Variants in KCNK13 observed in about 807,000 individuals in gnomAD.
KCNK13 encodes potassium channel subfamily K member 13.
In KCNK13, 12 loss-of-function variants were observed where a neutral mutation model predicts 23.4. That is an observed-to-expected ratio of 0.51 (90% confidence interval 0.33 to 0.83). The LOEUF (loss-of-function observed/expected upper bound fraction) is 0.83. Ranked by LOEUF, KCNK13 falls within the 40% of genes least tolerant of loss-of-function variation. The probability of loss-of-function intolerance (pLI) is 0.02; values close to 1 mark genes in which losing one functional copy is unlikely to be tolerated. For missense variants in KCNK13, 463 were observed against 556.3 expected (o/e 0.83, Z 1.69); for synonymous variants, 231 against 229.5 (o/e 1.01, Z -0.06).
At chr14:90,168,369 C>CAA (rs67436161) in intron 1 of KCNK13, among the ~76,000 whole-genome samples, 4 of 141,250 alleles carry the variant, frequency 2.8e-5, no homozygotes, top group Non-Finnish European at 4.7e-5. Flanking sequence ...AGACCTGTCT[C>CAA]AAAAAAAAAA....
intron 1 of KCNK13, among the ~76,000 whole-genome samples, chr14:90,131,119 A>C (rs1889865276): frequency 6.6e-6 from 1 of 152,180 alleles, no homozygotes; most frequent in South Asian, 2.1e-4. Flanking sequence ...GCACTCAGTA[A>C]GTGTCATGTC....
intron 1 of KCNK13, among the ~76,000 whole-genome samples, chr14:90,076,652 G>A (rs1252420453): frequency 6.6e-6 from 1 of 152,080 alleles, no homozygotes. Context: ...AGACAGAAGG[G>A]AAGTCAATAT....
chr14:90,111,802 T>C (rs2140412834), intron 1 of KCNK13, among the ~76,000 whole-genome samples: 1 of 152,376 alleles, frequency 6.6e-6, no homozygotes, highest in Non-Finnish European at 1.5e-5. Flanking sequence ...CTCTTGTGAC[T>C]GTTTTTTACC....
At chr14:90,154,234 C>T (rs1188022669) in intron 1 of KCNK13, among the ~76,000 whole-genome samples, 2 of 151,830 alleles carry the variant, frequency 1.3e-5, no homozygotes, top group Non-Finnish European at 2.9e-5. Flanking sequence ...GCTGTGCTCT[C>T]CTACCCATAA....
Position 90,124,355 on chromosome 14 carries a change from G to A in KCNK13, c.335-59756G>A, listed in dbSNP as rs140360798. On this transcript the variant is annotated intron_variant, in intron 1 of 1. Coordinates refer to ENST00000282146, the MANE Select transcript of KCNK13 (RefSeq NM_022054.4). ...AACCTGTGAATAGGGAGATTATCCT[G>A]CATTCTCCAGGTACACTCAACTTAA... Among the ~76,000 whole-genome samples, 326 of 152,324 alleles carry A rather than the reference G, an allele frequency of 2.1e-3. 3 individuals carry two copies. The highest frequency in any genetic ancestry group is 7.6e-3 in the African/African-American group (315 of 41,570).
At chr14:90,175,692 A>G (rs1890415084) in intron 1 of KCNK13, among the ~76,000 whole-genome samples, 1 of 152,106 alleles carries the variant, frequency 6.6e-6, no homozygotes, top group Admixed American at 6.5e-5. Context: ...TGTGTGGCAA[A>G]CCTCCCCAAG....
Position 90,184,575 on chromosome 14 carries a change from A to G in KCNK13, c.799A>G (p.Met267Val). The change falls in exon 2 of 2, where the codon ATG becomes GTG. Residue 267 changes from methionine to valine, a missense_variant. Met to Val is a conservative substitution (Grantham distance 21, BLOSUM62 1). Around this residue, in one of 3 missense-constraint regions of KCNK13, gnomAD observed 144 missense variants for 224.0 expected, o/e 0.64. Transcript: ENST00000282146. The surrounding 1 kb of genome is among the most constrained non-coding windows in gnomAD (Gnocchi z 5.6). ...CTTTGCCAACTTCGTCTTCATCCTC[A>G]TGGGTGTCTGCTGCATCTACTCCTT... ...YRFANFVFIL[M>V]GVCCIYSLFN... is the part of the protein sequence containing the mutation. The G allele has an allele frequency of 6.2e-7, 1 of 1,614,182 alleles. No individual in the cohort carries two copies. Among genetic ancestry groups the G allele is most frequent in the Non-Finnish European group, 8.5e-7 (1 of 1,180,018 alleles).
chr14:90,179,364 G>A (rs765361513), intron 1 of KCNK13, among the ~76,000 whole-genome samples: 2 of 151,228 alleles, frequency 1.3e-5, no homozygotes, highest in Admixed American at 6.6e-5. Context: ...AAAAAAATAC[G>A]TAGTTGACAG....
chr14:90,124,834 A>G lies in KCNK13; in HGVS notation c.335-59277A>G, dbSNP rs76440564. On this transcript the variant is annotated intron_variant, in intron 1 of 1. Coordinates refer to ENST00000282146, the MANE Select transcript of KCNK13 (RefSeq NM_022054.4). ...GCAGCAATAGAAAATGAATACAGCT[A>G]AACTCTGAAAAATACAATAAGAAGA... 3.9e-3 allele frequency among the ~76,000 whole-genome samples: 592 copies of G among 152,366 alleles called. 5 individuals carry two copies. The highest frequency in any genetic ancestry group is 0.013 in the African/African-American group (556 of 41,584).
intron 1 of KCNK13, among the ~76,000 whole-genome samples, chr14:90,091,887 ATTT>A (rs1376720669): frequency 6.6e-6 from 1 of 151,090 alleles, no homozygotes; most frequent in Non-Finnish European, 1.5e-5. Flanking sequence ...GAATGCTGTT[ATTT>A]AAGAATAAAA....
intron 1 of KCNK13, among the ~76,000 whole-genome samples, chr14:90,073,630 AAGGG>A (rs1177459109): frequency 6.6e-5 from 10 of 152,084 alleles, no homozygotes; most frequent in Non-Finnish European, 1.3e-4. Context: ...GGGCTGCCTC[AAGGG>A]CCAAGAGGAC....
In KCNK13 at chr14:90,117,821, G is replaced by C. The variant is rs146062052; in HGVS notation, c.334+55282G>C. Among the ~76,000 whole-genome samples the C allele has an allele frequency of 2.3e-4, 35 of 152,116 alleles. No homozygotes were observed. The East Asian group carries it at 6.0e-3, about 26-fold the overall frequency. On this transcript the variant is annotated intron_variant, in intron 1 of 1. Transcript: ENST00000282146. ...GTGAAAACCTCATACCACTTGAATG[G>C]TTACTCCTCATTTACTCTTCCCTTC...
intron 1 of KCNK13, among the ~76,000 whole-genome samples, chr14:90,097,461 G>A (rs1290911434): frequency 1.3e-5 from 2 of 152,104 alleles, no homozygotes; most frequent in Non-Finnish European, 2.9e-5. Context: ...ATGACATCAA[G>A]CCATTCATGA....
chr14:90,113,789 C>T (rs1008207497), intron 1 of KCNK13, among the ~76,000 whole-genome samples: 15 of 151,930 alleles, frequency 9.9e-5, no homozygotes, highest in Non-Finnish European at 1.8e-4. Context: ...AAAAATTAGC[C>T]GAGCATGGTG....
At chr14:90,162,521 C>G (rs1890263120) in intron 1 of KCNK13, among the ~76,000 whole-genome samples, 1 of 152,148 alleles carries the variant, frequency 6.6e-6, no homozygotes, top group Non-Finnish European at 1.5e-5. Flanking sequence ...AAAGTATAAA[C>G]AGAATCTTTC....
chr14:90,095,065 A>G (rs1040083001), intron 1 of KCNK13, among the ~76,000 whole-genome samples: 1 of 152,204 alleles, frequency 6.6e-6, no homozygotes, highest in Non-Finnish European at 1.5e-5. Context: ...GTGTTATCCC[A>G]CCTCTTCAAA....
At chr14:90,111,757 C>T (rs1209063811) in intron 1 of KCNK13, among the ~76,000 whole-genome samples, 2 of 152,218 alleles carry the variant, frequency 1.3e-5, no homozygotes, top group Admixed American at 6.5e-5. Context: ...TCTGTGCAGG[C>T]AGTTGCTTAC....
At chr14:90,158,103 C>T (rs1031972984) in intron 1 of KCNK13, among the ~76,000 whole-genome samples, 1 of 152,204 alleles carries the variant, frequency 6.6e-6, no homozygotes, top group Non-Finnish European at 1.5e-5. Context: ...CTGAGCTGAA[C>T]AAACCTTCAG....
intron 1 of KCNK13, among the ~76,000 whole-genome samples, chr14:90,091,824 G>A (rs1482498345): frequency 6.6e-6 from 1 of 151,944 alleles, no homozygotes; most frequent in Non-Finnish European, 1.5e-5. Flanking sequence ...CAGAAAAGCA[G>A]TGGTAGCTAT....
Sources: gnomAD v4.1 joint callset for allele counts (sites outside exome capture counted in the v4.1 genomes callset) on GRCh38, gnomAD v4.1.1 for gene constraint, gnomAD v4.1.1 regional missense constraint, Gnocchi (gnomAD v3.1) non-coding constraint, MANE v1.5 for transcripts, NCBI Gene and HGNC (gene_info 2026-07-23, HGNC 2026-07-21) for gene names.